AP2B1: variants seen among roughly 807,000 people sequenced by gnomAD.
AP2B1 encodes AP-2 complex subunit beta.
AP2B1 carries 23 observed loss-of-function variants against 102.0 expected under a neutral mutation model. The observed-to-expected ratio is 0.23, with a 90% CI of 0.16 to 0.32. The LOEUF (loss-of-function observed/expected upper bound fraction) is 0.32, where lower values mean the gene tolerates loss of function less well. Ranked by LOEUF, AP2B1 falls within the 10% of genes least tolerant of loss-of-function variation. AP2B1 has a pLI of 1.00. For synonymous variants in AP2B1, 381 were observed against 421.2 expected (o/e 0.90, Z 1.17); for missense variants, 541 against 1,157.4 (o/e 0.47, Z 7.73).
At chr17:35,631,607 T>G (rs2074464177) in intron 9 of AP2B1, among the ~76,000 whole-genome samples, 1 of 152,164 alleles carries the variant, frequency 6.6e-6, no homozygotes, top group African/African-American at 2.4e-5. Context: ...TGATCCACAT[T>G]ATAAAGAAAA....
At chr17:35,679,637 C>A (rs775338699) in intron 17 of AP2B1, among the ~76,000 whole-genome samples, 4 of 152,100 alleles carry the variant, frequency 2.6e-5, no homozygotes, top group Non-Finnish European at 5.9e-5. Context: ...CTTTTTCCCC[C>A]TTGTTTGTTT....
At chr17:35,612,050 A>G (rs778524228) in intron 5 of AP2B1, among the ~76,000 whole-genome samples, 141 of 152,322 alleles carry the variant, frequency 9.3e-4, no homozygotes, top group Middle Eastern at 3.4e-3. Context: ...GGAATACCTC[A>G]TATTTTGTTG....
intron 20 of AP2B1, 79 bp from the exon 21 acceptor site, chr17:35,717,116 T>C: frequency 6.7e-7 from 1 of 1,498,416 alleles, no homozygotes; most frequent in Admixed American, 1.7e-5. Context: ...CACACATGGC[T>C]CATAAGGATG....
At chr17:35,666,904 G>A (rs1225816156) in intron 14 of AP2B1, among the ~76,000 whole-genome samples, 1 of 152,172 alleles carries the variant, frequency 6.6e-6, no homozygotes, top group Non-Finnish European at 1.5e-5. Context: ...ATGAGGCTGA[G>A]GTGGGAGAAT....
At chr17:35,710,671 T>C (rs2076427843) in intron 20 of AP2B1, among the ~76,000 whole-genome samples, 2 of 152,250 alleles carry the variant, frequency 1.3e-5, no homozygotes, top group Non-Finnish European at 2.9e-5. Flanking sequence ...AGGACCATTT[T>C]CTTCTTTTAT....
chr17:35,710,714 T>A (rs2076428847), intron 20 of AP2B1, among the ~76,000 whole-genome samples: 1 of 152,244 alleles, frequency 6.6e-6, no homozygotes, highest in African/African-American at 2.4e-5. Context: ...AGGTTAACTT[T>A]CTTTCTTAGA....
chr17:35,650,651 A>G lies in AP2B1; in HGVS notation c.1658A>G (p.Asp553Gly). The G allele has an allele frequency of 6.2e-7, 1 of 1,614,126 alleles. No homozygotes were observed. Among genetic ancestry groups the G allele is most frequent in the Non-Finnish European group, 8.5e-7 (1 of 1,180,022 alleles). Residue 553 changes from aspartate (D) to glycine (G), a missense_variant, in exon 13 of 22, where the codon GAC (aspartate) becomes GGC (glycine). Transcript: ENST00000610402. Reference protein sequence around the residue: ...SEKPLISEETDLIEPTLLDEL... With the variant: ...SEKPLISEETGLIEPTLLDEL... Reference sequence around the variant, plus strand: ...AAGCCACTGATCTCTGAGGAGACGGACCTTATTGAGCCAACTCTGCTGGAT... The same window carrying G: ...AAGCCACTGATCTCTGAGGAGACGGGCCTTATTGAGCCAACTCTGCTGGAT...
chr17:35,624,252 T>C, intron 5 of AP2B1, 145 bp from the exon 6 acceptor site: 1 of 750,388 alleles, frequency 1.3e-6, no homozygotes, highest in Admixed American at 2.6e-5. Flanking sequence ...TTGAAGTGAT[T>C]TATTTGTTTC....
intron 3 of AP2B1, 100 bp downstream of exon 3, chr17:35,598,435 T>C (rs1780136301): frequency 4.5e-6 from 3 of 667,086 alleles, no homozygotes; most frequent in Non-Finnish European, 7.3e-6. Context: ...TCATAGAACC[T>C]CTAAGAATGG....
At chr17:35,652,293 A>G (rs907428289) in intron 13 of AP2B1, among the ~76,000 whole-genome samples, 1 of 152,216 alleles carries the variant, frequency 6.6e-6, no homozygotes, top group Non-Finnish European at 1.5e-5. Context: ...ACGTTGCTGC[A>G]AATGACATGT....
chr17:35,597,327 G>A (rs1325970388), intron 2 of AP2B1, among the ~76,000 whole-genome samples: 1 of 152,086 alleles, frequency 6.6e-6, no homozygotes, highest in Non-Finnish European at 1.5e-5. Context: ...AACAATATTA[G>A]GGTTGTTACT....
At chr17:35,648,743 A>AGTGTGTGC (rs1555569053) in intron 12 of AP2B1, among the ~76,000 whole-genome samples, 1 of 148,590 alleles carries the variant, frequency 6.7e-6, no homozygotes, top group Non-Finnish European at 1.5e-5. Flanking sequence ...ATATGAAATA[A>AGTGTGTGC]GTGTGTGTGT....
chr17:35,680,337 GC>G (rs2075790486), intron 17 of AP2B1, among the ~76,000 whole-genome samples: 1 of 151,894 alleles, frequency 6.6e-6, no homozygotes, highest in East Asian at 1.9e-4. Flanking sequence ...TTTTCTTTCT[GC>G]TTCATCTTTA....
chr17:35,714,957 G>T (rs2076523939), intron 20 of AP2B1, among the ~76,000 whole-genome samples: 1 of 152,096 alleles, frequency 6.6e-6, no homozygotes, highest in African/African-American at 2.4e-5. Context: ...TAAAAACTAT[G>T]ATATCTTGTC....
intron 5 of AP2B1, among the ~76,000 whole-genome samples, chr17:35,623,978 C>T (rs915294417): frequency 2.0e-5 from 3 of 152,192 alleles, no homozygotes; most frequent in South Asian, 4.1e-4. Context: ...CTCCCCCAAA[C>T]CCATACATAT....
intron 5 of AP2B1, among the ~76,000 whole-genome samples, chr17:35,613,062 T>A (rs1265278018): frequency 6.6e-6 from 1 of 151,174 alleles, no homozygotes; most frequent in African/African-American, 2.4e-5. Flanking sequence ...GTGATGGATA[T>A]GAGTCCTTAT....
In AP2B1 at chr17:35,608,293, G is replaced by T; in HGVS notation, c.431G>T (p.Cys144Phe). ...TATGTTCGGAAAACAGCAGCAGTCTGCGTGGCAAAACTCCATGATATCAAT... is the reference window on the plus strand; with the variant it reads ...TATGTTCGGAAAACAGCAGCAGTCTTCGTGGCAAAACTCCATGATATCAAT... ...DPYVRKTAAV[C>F]VAKLHDINAQ... Residue 144 changes from cysteine (C) to phenylalanine (F), a missense_variant, in exon 5 of 22, where the codon TGC becomes TTC. Cys to Phe is a radical substitution (Grantham distance 205, BLOSUM62 -2). Around this residue, in one of 10 missense-constraint regions of AP2B1, gnomAD observed 134 missense variants for 250.2 expected, o/e 0.54. Coordinates refer to ENST00000610402, the MANE Select transcript of AP2B1 (RefSeq NM_001030006.2). 6.2e-7 allele frequency: 1 copy of T among 1,614,174 alleles called. No individual in the cohort carries two copies.
intron 14 of AP2B1, among the ~76,000 whole-genome samples, chr17:35,658,846 C>A (rs1376338961): frequency 6.6e-6 from 1 of 152,092 alleles, no homozygotes; most frequent in African/African-American, 2.4e-5. Context: ...AGTAGAGGTT[C>A]ATTTACTTTT....
intron 17 of AP2B1, among the ~76,000 whole-genome samples, chr17:35,681,724 C>A (rs1288332038): frequency 1.3e-5 from 2 of 152,032 alleles, no homozygotes; most frequent in Admixed American, 6.6e-5. Flanking sequence ...ATTCTTAATT[C>A]TTCTTTCTCC....
Sources: gnomAD v4.1 joint callset for allele counts (sites outside exome capture counted in the v4.1 genomes callset) on GRCh38, gnomAD v4.1.1 for gene constraint, gnomAD v4.1.1 regional missense constraint, MANE v1.5 for transcripts, NCBI Gene and HGNC (gene_info 2026-07-23, HGNC 2026-07-21) for gene names.